RAB2A: variants seen among roughly 807,000 people sequenced by gnomAD.
RAB2A encodes the protein ras-related protein Rab-2A.
RAB2A carries 7 observed loss-of-function variants against 32.5 expected under a neutral mutation model. The observed-to-expected ratio is 0.22, with a 90% CI of 0.12 to 0.40. The LOEUF is 0.40. Among genes scored for constraint, RAB2A ranks in the 10% least tolerant of loss-of-function variants. The probability of loss-of-function intolerance (pLI) is 1.00; values close to 1 mark genes in which losing one functional copy is unlikely to be tolerated. For missense variants in RAB2A, 108 were observed against 260.7 expected (o/e 0.41, Z 4.03); for synonymous variants, 79 against 85.2 (o/e 0.93, Z 0.40).
chr8:60,549,622 G>T (rs1807813436), intron 1 of RAB2A, among the ~76,000 whole-genome samples: 1 of 151,904 alleles, frequency 6.6e-6, no homozygotes, highest in Non-Finnish European at 1.5e-5. Context: ...GGGGGAGGAT[G>T]TGCACAGGCC....
At chr8:60,536,343 C>T (rs956918870) in intron 1 of RAB2A, among the ~76,000 whole-genome samples, 4 of 152,040 alleles carry the variant, frequency 2.6e-5, no homozygotes, top group African/African-American at 9.7e-5. Context: ...TGCTTACAGC[C>T]TTTGATTTTG....
intron 1 of RAB2A, among the ~76,000 whole-genome samples, chr8:60,528,106 TGTTAA>T (rs1406385723): frequency 1.3e-5 from 2 of 152,248 alleles, no homozygotes; most frequent in Non-Finnish European, 2.9e-5. Context: ...CTGTTTGGTC[TGTTAA>T]GTTTCTGTGA....
intron 1 of RAB2A, among the ~76,000 whole-genome samples, chr8:60,545,541 G>A (rs916392875): frequency 6.6e-6 from 1 of 152,104 alleles, no homozygotes; most frequent in African/African-American, 2.4e-5. Flanking sequence ...TTGGCTTCCC[G>A]AAGCACTGGG....
At chr8:60,519,574 A>G (rs1225845756) in intron 1 of RAB2A, among the ~76,000 whole-genome samples, 1 of 152,174 alleles carries the variant, frequency 6.6e-6, no homozygotes, top group Non-Finnish European at 1.5e-5. Flanking sequence ...CCGTTTCTGA[A>G]TTTATGTTTC....
chr8:60,575,877 G>A (rs1204709950), intron 3 of RAB2A, among the ~76,000 whole-genome samples: 2 of 151,924 alleles, frequency 1.3e-5, no homozygotes, highest in Admixed American at 1.3e-4. Context: ...GGCTGGTCCC[G>A]AACTCCCGAC....
intron 1 of RAB2A, among the ~76,000 whole-genome samples, chr8:60,554,553 G>A (rs1194123860): frequency 6.6e-6 from 1 of 152,234 alleles, no homozygotes; most frequent in African/African-American, 2.4e-5. Flanking sequence ...GGAGCTGAAG[G>A]TATTGAAGTG....
At chr8:60,606,964 A>G (rs1048683161) in intron 6 of RAB2A, among the ~76,000 whole-genome samples, 1 of 152,146 alleles carries the variant, frequency 6.6e-6, no homozygotes, top group African/African-American at 2.4e-5. Context: ...ACATCTCTTA[A>G]CATACCATGG....
intron 6 of RAB2A, among the ~76,000 whole-genome samples, chr8:60,612,131 C>T (rs1210139282): frequency 1.3e-5 from 2 of 152,148 alleles, no homozygotes; most frequent in Non-Finnish European, 2.9e-5. Context: ...CTCCCCTTTT[C>T]CCCAACCTCC....
chr8:60,575,577 A>G (rs1001836828), intron 3 of RAB2A, among the ~76,000 whole-genome samples: 3 of 152,108 alleles, frequency 2.0e-5, no homozygotes, highest in Admixed American at 6.5e-5. Context: ...TTCAAGGGAA[A>G]ATTAGCCAAA....
intron 5 of RAB2A, among the ~76,000 whole-genome samples, chr8:60,589,306 C>A (rs559785466): frequency 6.6e-6 from 1 of 152,194 alleles, no homozygotes; most frequent in African/African-American, 2.4e-5. Flanking sequence ...TTCTGATGAT[C>A]GTAGGTGGGT....
intron 2 of RAB2A, among the ~76,000 whole-genome samples, chr8:60,560,926 T>C (rs1808013374): frequency 6.6e-6 from 1 of 152,134 alleles, no homozygotes; most frequent in African/African-American, 2.4e-5. Flanking sequence ...CTGTAACTCA[T>C]ATAAACTGCC....
chr8:60,547,232 G>A (rs1221380926), intron 1 of RAB2A, among the ~76,000 whole-genome samples: 1 of 152,112 alleles, frequency 6.6e-6, no homozygotes, highest in African/African-American at 2.4e-5. Context: ...CCGATCAACA[G>A]GATCCCAAGG....
chr8:60,567,457 T>A (rs1188593867), intron 2 of RAB2A, among the ~76,000 whole-genome samples: 1 of 152,194 alleles, frequency 6.6e-6, no homozygotes, highest in Non-Finnish European at 1.5e-5. Context: ...CAATTGGTGT[T>A]CTTTCTTTCC....
At chr8:60,609,960 CA>C (rs5891772) in intron 6 of RAB2A, among the ~76,000 whole-genome samples, 18,545 of 80,784 alleles carry the variant, frequency 0.23, 1,062 homozygotes, top group Middle Eastern at 0.34. Context: ...CCCTGTGTCT[CA>C]AAAAAAAAAA....
At chr8:60,609,495 A>G (rs1480635850) in intron 6 of RAB2A, among the ~76,000 whole-genome samples, 1 of 152,046 alleles carries the variant, frequency 6.6e-6, no homozygotes, top group Non-Finnish European at 1.5e-5. Context: ...CATTTCTGCA[A>G]CCCCCACATG....
chr8:60,592,732 G>T (rs1803963115), intron 6 of RAB2A, among the ~76,000 whole-genome samples: 2 of 152,066 alleles, frequency 1.3e-5, no homozygotes, highest in Admixed American at 6.5e-5. Context: ...GTTTGTGTTT[G>T]GAGGTAGTAT....
intron 6 of RAB2A, among the ~76,000 whole-genome samples, chr8:60,613,012 T>C (rs562178684): frequency 6.6e-6 from 1 of 152,352 alleles, no homozygotes; most frequent in East Asian, 1.9e-4. Context: ...AAGAAGTTTC[T>C]TAAACTCCCT....
In RAB2A at chr8:60,621,078, G is replaced by A; in HGVS notation, c.*309G>A. The A allele has an allele frequency of 4.4e-6, 1 of 226,170 alleles. No homozygotes were observed. Among genetic ancestry groups the A allele is most frequent in the Non-Finnish European group, 8.7e-6 (1 of 115,082 alleles). 14.0% of individuals were successfully genotyped at this position (226,170 alleles called of 1,614,324 possible). A position where few individuals can be genotyped will look rare whatever the true frequency, so the allele number is the denominator to read the frequency against. On this transcript the variant is annotated 3_prime_UTR_variant, in exon 8 of 8. Transcript: ENST00000262646. ...ATTAAACACTACAAAGTCATCTTGA[G>A]TATTTTAAATCGGTTTGTGTAGTTA...
intron 1 of RAB2A, among the ~76,000 whole-genome samples, chr8:60,527,482 G>GGC (rs1483189148): frequency 1.3e-5 from 2 of 152,186 alleles, no homozygotes; most frequent in African/African-American, 4.8e-5. Flanking sequence ...TTCTTCACAA[G>GGC]GCGGCAGGAG....
Sources: allele counts gnomAD v4.1 joint callset (sites outside exome capture counted in the v4.1 genomes callset), GRCh38; gene constraint gnomAD v4.1.1; transcripts MANE v1.5; gene names NCBI Gene and HGNC (gene_info 2026-07-23, HGNC 2026-07-21).